The following ELP4 variants were observed in gnomAD, a reference collection of about 807,000 sequenced individuals.
ELP4 encodes the protein elongator acetyltransferase complex subunit 4.
Under a neutral mutation model 48.9 loss-of-function variants are expected in ELP4, and 51 were observed. The ratio of observed to expected loss-of-function variants is 1.04; its 90% CI spans 0.83 to 1.32. ELP4 has a LOEUF of 1.32. Among genes scored for constraint, ELP4 ranks in the 40% most tolerant of loss-of-function variants. The probability of loss-of-function intolerance (pLI) is 0.00; values close to 1 mark genes in which losing one functional copy is unlikely to be tolerated. For missense variants in ELP4, 519 were observed against 514.6 expected, an observed-to-expected ratio of 1.01 and a Z score of -0.08; for synonymous variants, 210 against 189.2, an observed-to-expected ratio of 1.11 and a Z score of -0.90.
chr11:31,743,573 A>G (rs1355054621), intron 9 of ELP4, among the ~76,000 whole-genome samples: 2 of 152,240 alleles, frequency 1.3e-5, no homozygotes, highest in Non-Finnish European at 2.9e-5. Flanking sequence ...CAATAAAACT[A>G]GAACTCAGGA....
chr11:31,748,071 G>A (rs916529851), intron 9 of ELP4, among the ~76,000 whole-genome samples: 3 of 152,152 alleles, frequency 2.0e-5, no homozygotes, highest in African/African-American at 7.2e-5. Flanking sequence ...GTAGATTACA[G>A]TTTCTTTTAG....
intron 3 of ELP4, among the ~76,000 whole-genome samples, chr11:31,568,126 A>T (rs544316819): frequency 8.0e-4 from 122 of 152,342 alleles, no homozygotes; most frequent in African/African-American, 2.8e-3. Flanking sequence ...TACAAAATCA[A>T]TGTATAAAAA....
At chr11:31,611,079 G>A (rs948195057) in intron 5 of ELP4, among the ~76,000 whole-genome samples, 3 of 152,082 alleles carry the variant, frequency 2.0e-5, no homozygotes, top group Non-Finnish European at 2.9e-5. Context: ...GGATAGCCTC[G>A]TAATTGGTCT....
intron 1 of ELP4, among the ~76,000 whole-genome samples, chr11:31,515,761 T>G (rs572494734): frequency 6.6e-6 from 1 of 152,298 alleles, no homozygotes; most frequent in Admixed American, 6.5e-5. Context: ...TCACTTCATG[T>G]AATTGGAAAA....
At chr11:31,718,160 G>A (rs1467974463) in intron 9 of ELP4, among the ~76,000 whole-genome samples, 1 of 152,160 alleles carries the variant, frequency 6.6e-6, no homozygotes, top group Non-Finnish European at 1.5e-5. Flanking sequence ...TAGGCAAATA[G>A]CATTACAATC....
intron 3 of ELP4, among the ~76,000 whole-genome samples, chr11:31,559,447 A>G (rs1956979726): frequency 6.6e-6 from 1 of 152,226 alleles, no homozygotes; most frequent in African/African-American, 2.4e-5. Context: ...AACAGGGTAG[A>G]TGATATTAAA....
intron 7 of ELP4, among the ~76,000 whole-genome samples, chr11:31,643,135 C>T (rs1290094473): frequency 1.3e-5 from 2 of 151,786 alleles, no homozygotes; most frequent in Admixed American, 6.6e-5. Context: ...TCTCCCAACA[C>T]ACAACCACTA....
intron 9 of ELP4, among the ~76,000 whole-genome samples, chr11:31,754,650 C>G (rs1453758623): frequency 6.6e-6 from 1 of 152,116 alleles, no homozygotes; most frequent in Non-Finnish European, 1.5e-5. Context: ...GTGGGTGGAT[C>G]ACCTGATGTC....
intron 9 of ELP4, among the ~76,000 whole-genome samples, chr11:31,734,460 C>G (rs1035624712): frequency 1.3e-5 from 2 of 152,088 alleles, no homozygotes; most frequent in Non-Finnish European, 2.9e-5. Flanking sequence ...GTAGAAAACC[C>G]TAAAGATTCC....
chr11:31,701,369 T>G (rs1408508326), intron 9 of ELP4, among the ~76,000 whole-genome samples: 1 of 152,128 alleles, frequency 6.6e-6, no homozygotes, highest in Non-Finnish European at 1.5e-5. Flanking sequence ...CTTGCTCTTA[T>G]TCTTTAATTC....
chr11:31,755,121 A>G (rs1947806422), intron 9 of ELP4, among the ~76,000 whole-genome samples: 2 of 152,226 alleles, frequency 1.3e-5, no homozygotes, highest in Admixed American at 6.5e-5. Flanking sequence ...CACAGGAGCC[A>G]GCCTGAAATA....
At chr11:31,699,312 G>A (rs1473065992) in intron 9 of ELP4, among the ~76,000 whole-genome samples, 1 of 152,142 alleles carries the variant, frequency 6.6e-6, no homozygotes, top group Non-Finnish European at 1.5e-5. Context: ...AACAGTAGGA[G>A]CATGAAAAAA....
At chr11:31,695,525 A>G (rs1319078173) in intron 9 of ELP4, among the ~76,000 whole-genome samples, 6 of 151,626 alleles carry the variant, frequency 4.0e-5, no homozygotes, top group Non-Finnish European at 1.5e-5. Context: ...ATCGTGGTGT[A>G]TAAGCTTTTT....
chr11:31,523,706 C>T (rs1424701767), intron 2 of ELP4, among the ~76,000 whole-genome samples: 1 of 151,410 alleles, frequency 6.6e-6, no homozygotes, highest in African/African-American at 2.4e-5. Flanking sequence ...AGATGGTTGT[C>T]AATTAATAAA....
chr11:31,566,522 G>A (rs911196912), intron 3 of ELP4, among the ~76,000 whole-genome samples: 1 of 152,158 alleles, frequency 6.6e-6, no homozygotes, highest in Non-Finnish European at 1.5e-5. Context: ...ATATTGAAGA[G>A]TTACCAGGTA....
chr11:31,548,911 G>A (rs769072578), intron 3 of ELP4, among the ~76,000 whole-genome samples: 6 of 152,042 alleles, frequency 3.9e-5, no homozygotes, highest in Admixed American at 6.5e-5. Flanking sequence ...AATAAATGGT[G>A]CTGGGAAAAC....
intron 9 of ELP4, among the ~76,000 whole-genome samples, chr11:31,683,880 G>T (rs1041696966): frequency 3.9e-5 from 6 of 152,158 alleles, no homozygotes; most frequent in Middle Eastern, 3.4e-3. Context: ...TGAACAATAG[G>T]AATTACAGAC....
rs1206564687 is a variant in ELP4, at chr11:31,783,513, C to G, written c.1264C>G (p.Leu422Val). The G allele has an allele frequency of 6.2e-7, 1 of 1,613,996 alleles. No homozygotes were observed. Among genetic ancestry groups the G allele is most frequent in the South Asian group, 1.1e-5 (1 of 91,062 alleles). The change falls in exon 10 of 10, where the codon CTG (leucine) becomes GTG (valine). Residue 422 changes from leucine to valine, a missense_variant. By Grantham distance (32) the Leu-to-Val change is conservative. Coordinates refer to ENST00000640961, the MANE Select transcript of ELP4 (RefSeq NM_019040.5). ...CGMMAGGKKHLDF is the reference protein window; with the variant it reads ...CGMMAGGKKHVDF ...CATGATGGCCGGAGGCAAGAAGCAC[C>G]TGGACTTCTAGGGATTCCTCCTTAG...
At chr11:31,780,330 G>A (rs572386028) in intron 9 of ELP4, among the ~76,000 whole-genome samples, 11 of 152,054 alleles carry the variant, frequency 7.2e-5, no homozygotes, top group African/African-American at 2.2e-4. Context: ...GTTTCACATC[G>A]CACTGACATG....
Sources: allele counts gnomAD v4.1 joint callset (sites outside exome capture counted in the v4.1 genomes callset), GRCh38; gene constraint gnomAD v4.1.1; transcripts MANE v1.5; gene names NCBI Gene and HGNC (gene_info 2026-07-23, HGNC 2026-07-21).